RNF32: variants seen among roughly 807,000 people sequenced by gnomAD.
RNF32 encodes ring finger protein 32.
In RNF32, 36 loss-of-function variants were observed where a neutral mutation model predicts 41.0. That is an observed-to-expected ratio of 0.88 (90% CI 0.67 to 1.16). RNF32 has a LOEUF of 1.16. RNF32 is among the 50% of genes most tolerant of loss of function. The pLI, the probability that RNF32 is intolerant of heterozygous loss-of-function variation, is 0.00. For missense variants in RNF32, 413 were observed against 436.7 expected (o/e 0.95, Z 0.48); for synonymous variants, 154 against 160.9 (o/e 0.96, Z 0.32).
intron 3 of RNF32, among the ~76,000 whole-genome samples, chr7:156,651,317 G>A (rs1488926244): frequency 1.3e-5 from 2 of 151,244 alleles, no homozygotes; most frequent in Non-Finnish European, 2.9e-5. Flanking sequence ...GGGTTCAAGC[G>A]ATTCTCGTGC....
chr7:156,640,215 G>T (rs1392686363), upstream of RNF32: 1 of 452,834 alleles, frequency 2.2e-6, no homozygotes, highest in Non-Finnish European at 4.4e-6. Context: ...CGGGGGGATC[G>T]GGGGATCCCC....
At chr7:156,643,646 C>G in intron 1 of RNF32, 155 bp from the exon 2 acceptor site, 1 of 569,970 alleles carries the variant, frequency 1.8e-6, no homozygotes, top group Non-Finnish European at 3.1e-6. Context: ...AGTTCACCCC[C>G]TTCCTCCAGA....
chr7:156,654,684 C>G lies in RNF32; in HGVS notation c.383C>G (p.Pro128Arg), dbSNP rs1205307705. The G allele has an allele frequency of 6.2e-7, 1 of 1,614,082 alleles. No individual in the cohort carries two copies. The highest frequency in any genetic ancestry group is 8.5e-7 in the Non-Finnish European group (1 of 1,179,966). ...LLQGDSVQPC[P>R]ICKEEFELRP... is the part of the protein sequence containing the mutation. ...CAAGGGGACTCCGTGCAACCATGCC[C>G]CATCTGTAAAGAAGAATTCGAGCTT... The change falls in exon 4 of 9, where the codon CCC becomes CGC. Residue 128 changes from proline to arginine, a missense_variant. Physicochemically the swap from Pro to Arg is moderately radical, Grantham distance 103. Coordinates refer to ENST00000317955, the MANE Select transcript of RNF32 (RefSeq NM_030936.4).
At chr7:156,663,039 T>A (rs1800868475) in intron 7 of RNF32, among the ~76,000 whole-genome samples, 1 of 152,014 alleles carries the variant, frequency 6.6e-6, no homozygotes, top group African/African-American at 2.4e-5. Flanking sequence ...TTTCACCATG[T>A]TAGCCAGGAT....
At chr7:156,660,121 G>C (rs1482242023) in intron 7 of RNF32, 7 of 985,670 alleles carry the variant, frequency 7.1e-6, no homozygotes, top group Non-Finnish European at 7.2e-6. Flanking sequence ...TCATCGCTCG[G>C]AACGCCCCGC....
chr7:156,659,784 T>C, intron 7 of RNF32: 1 of 690,596 alleles, frequency 1.4e-6, no homozygotes, highest in Non-Finnish European at 1.8e-6. Context: ...TGTGTTATCT[T>C]GTAAAGTAGC....
At chr7:156,671,718 C>T (rs948816960) in intron 7 of RNF32, among the ~76,000 whole-genome samples, 2 of 152,204 alleles carry the variant, frequency 1.3e-5, no homozygotes, top group African/African-American at 4.8e-5. Flanking sequence ...AGTTTTTCAG[C>T]CCGTGTCCCT....
At position 156,676,425 on chromosome 7, in the gene RNF32, C is replaced by A. The variant is rs1389511127; in HGVS notation, c.859C>A (p.Arg287Ser). The A allele has an allele frequency of 6.2e-7, 1 of 1,613,946 alleles. No homozygotes were observed. Among genetic ancestry groups the A allele is most frequent in the African/African-American group, 1.3e-5 (1 of 74,928 alleles). Residue 287 changes from arginine (R) to serine (S), a missense_variant, in exon 9 of 9, where the codon CGC becomes AGC. Coordinates refer to ENST00000317955, the MANE Select transcript of RNF32 (RefSeq NM_030936.4). ...CCCGTCCTGTGTGCCGCAGGCTCTG[C>A]GCCGGGAGACCCACGAGTGCTCCAT... ...EWEKIQVQAL[R>S]RETHECSICL... is the part of the protein sequence containing the mutation.
chr7:156,658,420 G>C (rs1404652446), intron 6 of RNF32, 42 bp from the exon 7 acceptor site: 29 of 1,542,686 alleles, frequency 1.9e-5, no homozygotes, highest in Non-Finnish European at 2.6e-5. Context: ...GGTTGACATA[G>C]AGTCATCATA....
chr7:156,673,714 G>A (rs1410217588), intron 7 of RNF32, among the ~76,000 whole-genome samples: 1 of 152,060 alleles, frequency 6.6e-6, no homozygotes, highest in African/African-American at 2.4e-5. Context: ...CATCCTTAAA[G>A]CCAATACTCA....
intron 3 of RNF32, among the ~76,000 whole-genome samples, chr7:156,653,534 A>G (rs1007034729): frequency 1.3e-5 from 2 of 152,160 alleles, no homozygotes; most frequent in Admixed American, 6.5e-5. Flanking sequence ...GTGTCCCTTC[A>G]TAGTTTTCTG....
chr7:156,640,251 G>T (rs950137228), upstream of RNF32: 5 of 447,712 alleles, frequency 1.1e-5, no homozygotes, highest in African/African-American at 1.0e-4. Context: ...GACTAACAGC[G>T]CAGCGAAGGG....
Position 156,669,993 on chromosome 7 carries a change from G to T in RNF32, c.685-5703G>T, listed in dbSNP as rs1250991778. On this transcript the variant is annotated intron_variant, in intron 7 of 8. Coordinates refer to ENST00000317955, the MANE Select transcript of RNF32 (RefSeq NM_030936.4). This position sits in a 1 kb window ranked among gnomAD's most constrained non-coding sequence, Gnocchi z 4.2. The stretch of plus-strand genomic sequence containing the variant: ...ATCCAAGTACTAAAAGTATAAAGCT[G>T]TATGTACTTCTGTGGCCTCTCTCTC... Among the ~76,000 whole-genome samples the T allele has an allele frequency of 6.6e-6, 1 of 152,150 alleles. No homozygotes were observed. Among genetic ancestry groups the T allele is most frequent in the Non-Finnish European group, 1.5e-5 (1 of 68,002 alleles).
chr7:156,675,241 G>C (rs1803583238), intron 7 of RNF32, among the ~76,000 whole-genome samples: 1 of 152,182 alleles, frequency 6.6e-6, no homozygotes, highest in East Asian at 1.9e-4. Context: ...CAGGACAAGG[G>C]GTGAGCTGAG....
chr7:156,648,176 G>A (rs185554342), intron 3 of RNF32, among the ~76,000 whole-genome samples: 63 of 152,084 alleles, frequency 4.1e-4, no homozygotes, highest in African/African-American at 1.5e-3. Context: ...ATTTTTTATT[G>A]ATAGGCATGG....
intron 7 of RNF32, among the ~76,000 whole-genome samples, chr7:156,663,837 T>C (rs371742772): frequency 2.0e-5 from 3 of 152,188 alleles, no homozygotes; most frequent in Non-Finnish European, 4.4e-5. Flanking sequence ...GAAAAATCAA[T>C]TGGGAAATTG....
At chr7:156,645,118 C>T (rs1172577129) in intron 3 of RNF32, among the ~76,000 whole-genome samples, 3 of 152,084 alleles carry the variant, frequency 2.0e-5, no homozygotes, top group Non-Finnish European at 4.4e-5. Context: ...TCACCTTTGG[C>T]AAACACCACA....
chr7:156,666,555 T>C (rs1801365511), intron 7 of RNF32, among the ~76,000 whole-genome samples: 1 of 152,212 alleles, frequency 6.6e-6, no homozygotes. Context: ...AAAGGTCAGA[T>C]GTTGAGTTTT....
intron 7 of RNF32, among the ~76,000 whole-genome samples, chr7:156,667,893 A>G (rs1316737586): frequency 2.6e-5 from 4 of 152,226 alleles, no homozygotes; most frequent in African/African-American, 4.8e-5. Context: ...GCTAATGTCA[A>G]TGTTATGATT....
Sources: gnomAD v4.1 joint callset for allele counts (sites outside exome capture counted in the v4.1 genomes callset) on GRCh38, gnomAD v4.1.1 for gene constraint, Gnocchi (gnomAD v3.1) non-coding constraint, MANE v1.5 for transcripts, NCBI Gene and HGNC (gene_info 2026-07-23, HGNC 2026-07-21) for gene names.